The following SREBF2 variants were observed in gnomAD, a reference collection of about 807,000 sequenced individuals.
The protein encoded by SREBF2 is sterol regulatory element-binding protein 2.
A neutral mutation model predicts 113.1 loss-of-function variants in SREBF2; 55 were observed. The ratio of observed to expected loss-of-function variants is 0.49; its 90% CI spans 0.39 to 0.61. The LOEUF (loss-of-function observed/expected upper bound fraction) is 0.61, where lower values mean the gene tolerates loss of function less well. Ranked by LOEUF, SREBF2 falls within the 20% of genes least tolerant of loss-of-function variation. SREBF2 has a pLI of 0.00. For synonymous variants in SREBF2, 593 were observed against 605.7 expected (o/e 0.98, Z 0.31); for missense variants, 1,349 against 1,487.4 (o/e 0.91, Z 1.53).
intron 4 of SREBF2, 135 bp downstream of exon 4, chr22:41,871,170 G>GTCA (rs1476839825): frequency 4.1e-6 from 5 of 1,224,128 alleles, no homozygotes; most frequent in Middle Eastern, 2.6e-4. Context: ...AATTGTAAAT[G>GTCA]TCACCCCTCT....
At chr22:41,882,616 G>A (rs1474703839) in intron 10 of SREBF2, among the ~76,000 whole-genome samples, 3 of 152,186 alleles carry the variant, frequency 2.0e-5, no homozygotes, top group African/African-American at 7.2e-5. Flanking sequence ...GACCTGCCTG[G>A]CCAACATGGC....
At chr22:41,879,854 A>G (rs989154706) in intron 9 of SREBF2, among the ~76,000 whole-genome samples, 3 of 152,170 alleles carry the variant, frequency 2.0e-5, no homozygotes, top group African/African-American at 7.2e-5. Context: ...TCAGGTTGAC[A>G]AAGATTAGTT....
In SREBF2 at chr22:41,833,389, C is replaced by T. The variant is rs914290496; in HGVS notation, c.88+31C>T. On this transcript the variant is annotated intron_variant, in intron 1 of 18. Transcript: ENST00000361204. The surrounding 1 kb of genome is among the most constrained non-coding windows in gnomAD (Gnocchi z 4.1). The stretch of plus-strand genomic sequence containing the variant: ...TGGTGGGTGGGTGGGAGTGCGGGGG[C>T]CGCGCGGGGAGGAAGGGGTTACGGC... 2 of 1,460,366 alleles carry T rather than the reference C, an allele frequency of 1.4e-6. No individual in the cohort carries two copies. The allele number at this position is 1,460,366 out of a possible 1,614,324, so 90.5% of individuals were successfully genotyped here. A position where few individuals can be genotyped will look rare whatever the true frequency, so the allele number is the denominator to read the frequency against.
chr22:41,897,060 C>A lies in SREBF2; in HGVS notation c.2504C>A (p.Ser835Tyr). The part of the protein sequence containing the change: ...GDQEEESCEF[S>Y]SALEYLKLLH... Reference sequence around the variant, plus strand: ...CTTTCTTTTCTTCCTAGTGAATTCTCCAGTGCTCTGGAGTACTTGAAATTA... The same window carrying A: ...CTTTCTTTTCTTCCTAGTGAATTCTACAGTGCTCTGGAGTACTTGAAATTA... Residue 835 changes from serine to tyrosine, a missense_variant, in exon 14 of 19, where the codon TCC (serine) becomes TAC (tyrosine). Physicochemically the swap from Ser to Tyr is moderately radical, Grantham distance 144 (BLOSUM62 -2). Coordinates refer to ENST00000361204, the MANE Select transcript of SREBF2 (RefSeq NM_004599.4). 6.2e-7 allele frequency: 1 copy of A among 1,611,906 alleles called. No homozygotes were observed. Among genetic ancestry groups the A allele is most frequent in the South Asian group, 1.1e-5 (1 of 90,714 alleles).
In SREBF2 at chr22:41,907,250, A is replaced by G. The variant is rs1383468050; in HGVS notation, c.*1590A>G. The G allele has an allele frequency of 2.2e-5, 3 of 133,578 alleles. No homozygotes were observed. The highest frequency in any genetic ancestry group is 4.2e-4 in the South Asian group (2 of 4,812). 8.3% of individuals were successfully genotyped at this position (133,578 alleles called of 1,614,324 possible). On this transcript the variant is annotated 3_prime_UTR_variant, in exon 19 of 19. Transcript: ENST00000361204. ...ACACCTATAGCTTTCTTGATGTTCA[A>G]TCAATCAGTCACTGTGTCCCAGACA...
In SREBF2 at chr22:41,875,737, GA is replaced by G. The variant is rs2077191825; in HGVS notation, c.1386+16del. The G allele has an allele frequency of 6.2e-7, 1 of 1,613,882 alleles. No individual in the cohort carries two copies. The highest frequency in any genetic ancestry group is 8.5e-7 in the Non-Finnish European group (1 of 1,179,848). On this transcript the variant is annotated intron_variant, in intron 7 of 18. Transcript: ENST00000361204. ...GGATGATGCAAAGGTACAGACTTTT[GA>G]AATCTCCTGATCCCTGGAATCTTTC...
chr22:41,862,594 T>C (rs1362826110), intron 1 of SREBF2, among the ~76,000 whole-genome samples: 1 of 152,166 alleles, frequency 6.6e-6, no homozygotes, highest in Non-Finnish European at 1.5e-5. Flanking sequence ...TGACAGCCTG[T>C]GTAATCACAG....
intron 1 of SREBF2, among the ~76,000 whole-genome samples, chr22:41,846,530 A>G (rs2076878157): frequency 6.6e-6 from 1 of 152,162 alleles, no homozygotes; most frequent in Non-Finnish European, 1.5e-5. Flanking sequence ...AAAAGTGGCA[A>G]ATGCCCACCA....
intron 11 of SREBF2, among the ~76,000 whole-genome samples, chr22:41,887,804 A>G (rs919217077): frequency 6.6e-6 from 1 of 152,206 alleles, no homozygotes; most frequent in African/African-American, 2.4e-5. Context: ...CAAGACTTCT[A>G]GTTCTACATC....
chr22:41,882,988 T>A (rs948432347), intron 10 of SREBF2, among the ~76,000 whole-genome samples: 4 of 152,184 alleles, frequency 2.6e-5, no homozygotes, highest in Non-Finnish European at 5.9e-5. Flanking sequence ...GTGTCTGTGG[T>A]TCCAGCTACT....
chr22:41,875,273 T>C, intron 5 of SREBF2, 64 bp from the exon 6 acceptor site: 2 of 1,386,802 alleles, frequency 1.4e-6, no homozygotes, highest in Non-Finnish European at 2.0e-6. Context: ...GTGCTAGGGC[T>C]CTGCTCTTTT....
At chr22:41,850,134 C>A (rs1197093839) in intron 1 of SREBF2, among the ~76,000 whole-genome samples, 1 of 147,954 alleles carries the variant, frequency 6.8e-6, no homozygotes, top group South Asian at 2.1e-4. Context: ...AGTGAGACTC[C>A]GTCTCAAAAG....
chr22:41,870,132 GCATGA>G lies in SREBF2; in HGVS notation c.721-756_721-752del, dbSNP rs1166421481. Among the ~76,000 whole-genome samples, 29 of 152,188 alleles carry G rather than the reference GCATGA, an allele frequency of 1.9e-4. 1 individual carries two copies. The highest frequency in any genetic ancestry group is 4.0e-4 in the Non-Finnish European group (27 of 68,036). Reference sequence around the variant, plus strand: ...GTCTCCCAAAGTGCTGGGATTACAAGCATGAGCCACCACATCTGGCCTATATTTTC... The same window carrying G: ...GTCTCCCAAAGTGCTGGGATTACAAGGCCACCACATCTGGCCTATATTTTC... On this transcript the variant is annotated intron_variant, in intron 3 of 18. Coordinates refer to ENST00000361204, the MANE Select transcript of SREBF2 (RefSeq NM_004599.4).
intron 11 of SREBF2, chr22:41,885,612 G>C (rs1056369726): frequency 6.2e-6 from 1 of 161,738 alleles, no homozygotes; most frequent in African/African-American, 2.4e-5. Flanking sequence ...TAGGAGCCAG[G>C]CTTGGGAACT....
chr22:41,872,711 T>C (rs1017557414), intron 4 of SREBF2, among the ~76,000 whole-genome samples: 12 of 146,584 alleles, frequency 8.2e-5, no homozygotes, highest in Admixed American at 2.0e-4. Flanking sequence ...GCCAACATGA[T>C]GAAATCCCAT....
intron 11 of SREBF2, among the ~76,000 whole-genome samples, chr22:41,886,914 A>C (rs1033336173): frequency 1.3e-5 from 2 of 152,128 alleles, no homozygotes; most frequent in African/African-American, 4.8e-5. Context: ...TGTGCCTATA[A>C]TCTCAGCTAC....
At chr22:41,854,202 C>T (rs1252604024) in intron 1 of SREBF2, among the ~76,000 whole-genome samples, 1 of 151,538 alleles carries the variant, frequency 6.6e-6, no homozygotes, top group Non-Finnish European at 1.5e-5. Context: ...TCACTCTTGC[C>T]ACCCAGGCTG....
At chr22:41,851,641 G>A (rs751247667) in intron 1 of SREBF2, among the ~76,000 whole-genome samples, 4 of 151,956 alleles carry the variant, frequency 2.6e-5, no homozygotes, top group Non-Finnish European at 2.9e-5. Flanking sequence ...TTACAGGTGC[G>A]TACCACCACG....
rs1027991671 is a variant in SREBF2, at chr22:41,905,882, C to T, written c.*222C>T. 1.4e-6 allele frequency: 1 copy of T among 700,692 alleles called. No homozygotes were observed. The highest frequency in any genetic ancestry group is 2.0e-5 in the Admixed American group (1 of 49,522). 43.4% of individuals were successfully genotyped at this position (700,692 alleles called of 1,614,324 possible). ...CTGGTGGGCGTGAGAGGATAGGTGG[C>T]AGGGCAGAAACTGGGCAGCCCTGAC... is the stretch of plus-strand genomic sequence containing the variant. On this transcript the variant is annotated 3_prime_UTR_variant, in exon 19 of 19. Transcript: ENST00000361204.
Sources: allele counts gnomAD v4.1 joint callset (sites outside exome capture counted in the v4.1 genomes callset), GRCh38; gene constraint gnomAD v4.1.1; non-coding constraint Gnocchi (gnomAD v3.1); transcripts MANE v1.5; gene names NCBI Gene and HGNC (gene_info 2026-07-23, HGNC 2026-07-21).